Variants in TTBK2 observed in about 807,000 individuals in gnomAD.
The protein encoded by TTBK2 is tau-tubulin kinase 2.
Under a neutral mutation model 110.8 loss-of-function variants are expected in TTBK2, and 28 were observed. That is an observed-to-expected ratio of 0.25 (90% CI 0.19 to 0.35). The LOEUF (loss-of-function observed/expected upper bound fraction) is 0.35, where lower values mean the gene tolerates loss of function less well. Among genes scored for constraint, TTBK2 ranks in the 10% least tolerant of loss-of-function variants. TTBK2 has a pLI of 1.00. For missense variants in TTBK2, 1,369 were observed against 1,500.3 expected (o/e 0.91, Z 1.45); for synonymous variants, 532 against 527.3 (o/e 1.01, Z -0.12).
Position 42,833,588 on chromosome 15 carries a change from G to C in TTBK2, c.292-3510C>G, listed in dbSNP as rs147047114. On this transcript the variant is annotated intron_variant, in intron 4 of 14. Coordinates refer to ENST00000267890, the MANE Select transcript of TTBK2 (RefSeq NM_173500.4). ...ATTTCATCTATATACATTAAAAATT[G>C]TCGGCCAGGTGTGGTGGCTCACATC... Among the ~76,000 whole-genome samples the C allele has an allele frequency of 2.2e-3, 335 of 151,934 alleles. 3 individuals are homozygous for C. The highest frequency in any genetic ancestry group is 7.6e-3 in the African/African-American group (313 of 41,400).
intron 11 of TTBK2, among the ~76,000 whole-genome samples, chr15:42,783,155 A>C (rs1299244885): frequency 6.6e-6 from 1 of 152,194 alleles, no homozygotes; most frequent in Non-Finnish European, 1.5e-5. Context: ...TTGAAATTCT[A>C]ACTCCCAATG....
At chr15:42,846,341 C>T (rs1893465441) in intron 3 of TTBK2, among the ~76,000 whole-genome samples, 1 of 151,966 alleles carries the variant, frequency 6.6e-6, no homozygotes, top group African/African-American at 2.4e-5. Flanking sequence ...AGGCGTGCAC[C>T]ACCATGCCCG....
chr15:42,796,929 T>C lies in TTBK2; in HGVS notation c.823-2128A>G, dbSNP rs114217704. ...AAGATAAAGGGAACTGGAAAAGACA[T>C]AGTTATAAAATCTGAGAAATTTTAT... On this transcript the variant is annotated intron_variant, in intron 9 of 14. Transcript: ENST00000267890. Among the ~76,000 whole-genome samples, 874 of 152,316 alleles carry C rather than the reference T, an allele frequency of 5.7e-3. 10 individuals are homozygous for C. Among genetic ancestry groups the C allele is most frequent in the African/African-American group, 0.02 (821 of 41,570 alleles).
intron 1 of TTBK2, 107 bp from the exon 2 acceptor site, chr15:42,878,791 C>G: frequency 1.4e-6 from 2 of 1,388,184 alleles, no homozygotes; most frequent in Non-Finnish European, 1.9e-6. Context: ...ACTAATTAGG[C>G]TATTTTGTTG....
intron 3 of TTBK2, chr15:42,871,539 T>C: frequency 1.0e-6 from 1 of 985,352 alleles, no homozygotes; most frequent in Non-Finnish European, 1.2e-6. Flanking sequence ...GCTTGGCTGA[T>C]AGTAAAACAG....
intron 13 of TTBK2, among the ~76,000 whole-genome samples, chr15:42,760,103 G>A (rs1448217503): frequency 6.6e-6 from 1 of 152,092 alleles, no homozygotes; most frequent in Non-Finnish European, 1.5e-5. Flanking sequence ...AGAATTAAAT[G>A]GGCCGGGTGT....
intron 4 of TTBK2, among the ~76,000 whole-genome samples, chr15:42,836,261 T>G (rs1336893675): frequency 6.6e-6 from 1 of 152,158 alleles, no homozygotes; most frequent in Non-Finnish European, 1.5e-5. Context: ...TTAAAAATTT[T>G]TAAGGCAGAT....
chr15:42,843,715 C>T (rs112798133), intron 3 of TTBK2, among the ~76,000 whole-genome samples: 85 of 144,134 alleles, frequency 5.9e-4, no homozygotes, highest in Middle Eastern at 3.6e-3. Context: ...GCCAAGATTG[C>T]GCCGCTGCAC....
At chr15:42,754,898 C>G (rs1349472045) in intron 13 of TTBK2, among the ~76,000 whole-genome samples, 1 of 149,900 alleles carries the variant, frequency 6.7e-6, no homozygotes, top group Non-Finnish European at 1.5e-5. Flanking sequence ...ATCCCAGATA[C>G]TCAGGAGGCT....
intron 13 of TTBK2, among the ~76,000 whole-genome samples, chr15:42,765,155 G>C (rs1181640990): frequency 6.6e-6 from 1 of 152,152 alleles, no homozygotes; most frequent in African/African-American, 2.4e-5. Context: ...TGGGAAGATG[G>C]GAAGAAACCA....
At chr15:42,888,817 T>C (rs1290247157) in intron 1 of TTBK2, among the ~76,000 whole-genome samples, 1 of 152,150 alleles carries the variant, frequency 6.6e-6, no homozygotes, top group Non-Finnish European at 1.5e-5. Context: ...ATCCCATCGC[T>C]CAGGGCAACA....
chr15:42,855,542 G>T (rs1047684240), intron 3 of TTBK2, among the ~76,000 whole-genome samples: 1 of 152,178 alleles, frequency 6.6e-6, no homozygotes, highest in African/African-American at 2.4e-5. Flanking sequence ...ACTGGTGAAA[G>T]ATACGAAATT....
rs748766632 is a variant in TTBK2, at chr15:42,745,988, G to A, written c.3542C>T (p.Ser1181Leu). 3.7e-6 allele frequency: 6 copies of A among 1,614,016 alleles called. No individual in the cohort carries two copies. In the Admixed American group the frequency reaches 8.3e-5, roughly 22 times the overall value. ...AGRPHHDQRS[S>L]SPHLGRSKSP... ...CTTGCTTCTCCCCAGATGTGGGGAC[G>A]AACTCCTCTGGTCATGGTGGGGCCG... The change falls in exon 15 of 15, where the codon TCG (serine) becomes TTG (leucine). Residue 1181 changes from serine (S) to leucine (L), a missense_variant. Around this residue, in one of 4 missense-constraint regions of TTBK2, gnomAD observed 1,097 missense variants for 1,114.7 expected, o/e 0.98. Transcript: ENST00000267890.
chr15:42,849,801 T>C (rs1254628041), intron 3 of TTBK2, among the ~76,000 whole-genome samples: 2 of 152,202 alleles, frequency 1.3e-5, no homozygotes, highest in African/African-American at 4.8e-5. Flanking sequence ...CCATATATGC[T>C]GTTTAGGATT....
intron 1 of TTBK2, among the ~76,000 whole-genome samples, chr15:42,894,096 A>C (rs1334001796): frequency 1.3e-5 from 2 of 152,162 alleles, no homozygotes; most frequent in Admixed American, 1.3e-4. Context: ...ATGGTGAGTG[A>C]GTCTCATGAG....
intron 14 of TTBK2, 118 bp downstream of exon 14, chr15:42,751,856 C>A: frequency 1.5e-6 from 2 of 1,291,068 alleles, no homozygotes; most frequent in South Asian, 2.4e-5. Context: ...CTGGGAAAGG[C>A]AGGAAAGAAA....
intron 10 of TTBK2, 147 bp from the exon 11 acceptor site, chr15:42,783,782 C>A: frequency 1.4e-6 from 1 of 737,174 alleles, no homozygotes. Flanking sequence ...CTTAGGTTGG[C>A]CGGGCATGGT....
At chr15:42,753,315 AT>A in intron 13 of TTBK2, 68 bp from the exon 14 acceptor site, 1 of 1,456,064 alleles carries the variant, frequency 6.9e-7, no homozygotes, top group Non-Finnish European at 9.4e-7. Context: ...ATGCTTTGAG[AT>A]TTAACATCTC....
intron 3 of TTBK2, among the ~76,000 whole-genome samples, chr15:42,869,251 C>A (rs1212678824): frequency 6.6e-6 from 1 of 151,860 alleles, no homozygotes; most frequent in Non-Finnish European, 1.5e-5. Flanking sequence ...CCACGCTTGG[C>A]TAAATTTTGA....
Sources: allele counts gnomAD v4.1 joint callset (sites outside exome capture counted in the v4.1 genomes callset), GRCh38; gene constraint gnomAD v4.1.1; regional missense constraint gnomAD v4.1.1; transcripts MANE v1.5; gene names NCBI Gene and HGNC (gene_info 2026-07-23, HGNC 2026-07-21).